Variants in CTNNA2 observed in about 807,000 individuals in gnomAD.
CTNNA2 encodes catenin alpha 2.
A neutral mutation model predicts 101.0 loss-of-function variants in CTNNA2; 42 were observed. The observed-to-expected ratio is 0.42, with a 90% confidence interval of 0.32 to 0.54. The LOEUF is 0.54. CTNNA2 is among the 20% of genes least tolerant of loss of function. The probability of loss-of-function intolerance (pLI) is 0.14; values close to 1 mark genes in which losing one functional copy is unlikely to be tolerated. For synonymous variants in CTNNA2, 450 were observed against 456.4 expected, an observed-to-expected ratio of 0.99 and a Z score of 0.18; for missense variants, 871 against 1,223.1, an observed-to-expected ratio of 0.71 and a Z score of 4.29.
chr2:79,219,785 A>G (rs1674318505), intron 2 of CTNNA2, among the ~76,000 whole-genome samples: 1 of 152,226 alleles, frequency 6.6e-6, no homozygotes, highest in African/African-American at 2.4e-5. Flanking sequence ...AGAAACAGTG[A>G]GTGCCTGGGC....
At chr2:79,703,190 G>A (rs76319197) in intron 2 of CTNNA2, among the ~76,000 whole-genome samples, 2,882 of 152,258 alleles carry the variant, frequency 0.019, 57 homozygotes, top group African/African-American at 0.047. Context: ...TGACAAGTGG[G>A]TGAGTTCTAA....
At chr2:79,409,768 G>T (rs1390591161) in intron 4 of CTNNA2, among the ~76,000 whole-genome samples, 1 of 147,814 alleles carries the variant, frequency 6.8e-6, no homozygotes, top group Non-Finnish European at 1.5e-5. Context: ...GCTTAGGATT[G>T]ACTTGGTGAT....
chr2:79,982,224 A>G (rs373376513), intron 7 of CTNNA2, among the ~76,000 whole-genome samples: 1,574 of 60,852 alleles, frequency 0.026, 148 homozygotes, highest in African/African-American at 0.079. Flanking sequence ...ATATATATAT[A>G]TATATATATA....
At chr2:80,275,590 T>C (rs879315560) in intron 7 of CTNNA2, among the ~76,000 whole-genome samples, 17 of 152,166 alleles carry the variant, frequency 1.1e-4, no homozygotes, top group African/African-American at 3.4e-4. Flanking sequence ...TTGTTGATAT[T>C]GTTAATTAAT....
chr2:79,490,187 C>G (rs1671195093), intron 4 of CTNNA2, among the ~76,000 whole-genome samples: 1 of 152,182 alleles, frequency 6.6e-6, no homozygotes, highest in Non-Finnish European at 1.5e-5. Flanking sequence ...ATACTACCTG[C>G]AATTTCTTGC....
intron 9 of CTNNA2, among the ~76,000 whole-genome samples, chr2:80,437,437 T>G (rs1559109827): frequency 6.6e-6 from 1 of 152,170 alleles, no homozygotes; most frequent in African/African-American, 2.4e-5. Context: ...TGGATCAACT[T>G]TATTATTTTT....
intron 1 of CTNNA2, among the ~76,000 whole-genome samples, chr2:79,533,563 T>C (rs1558705751): frequency 6.6e-6 from 1 of 152,164 alleles, no homozygotes; most frequent in Non-Finnish European, 1.5e-5. Context: ...TTAAATAATA[T>C]ACAATTTTGT....
intron 7 of CTNNA2, among the ~76,000 whole-genome samples, chr2:79,984,891 G>T (rs1466091965): frequency 6.6e-6 from 1 of 152,126 alleles, no homozygotes; most frequent in East Asian, 1.9e-4. Flanking sequence ...CTATAGTAAG[G>T]ATTGGCAAAC....
At chr2:80,108,524 C>T (rs1243032815) in intron 7 of CTNNA2, among the ~76,000 whole-genome samples, 4 of 152,168 alleles carry the variant, frequency 2.6e-5, no homozygotes, top group Non-Finnish European at 5.9e-5. Flanking sequence ...CCTGCTGAGC[C>T]CATGCTCATT....
intron 7 of CTNNA2, among the ~76,000 whole-genome samples, chr2:80,294,831 G>A (rs529052428): frequency 4.2e-4 from 64 of 152,094 alleles, no homozygotes; most frequent in African/African-American, 1.5e-3. Flanking sequence ...GCTAGAGAAC[G>A]AATTCCTTCT....
intron 6 of CTNNA2, among the ~76,000 whole-genome samples, chr2:79,897,394 A>G (rs946520852): frequency 2.6e-5 from 4 of 152,104 alleles, no homozygotes; most frequent in Non-Finnish European, 4.4e-5. Flanking sequence ...CATGACTTGA[A>G]TAAGGGGGGA....
chr2:80,595,005 T>G (rs74655543), intron 15 of CTNNA2, among the ~76,000 whole-genome samples: 9,797 of 152,114 alleles, frequency 0.064, 558 homozygotes, highest in African/African-American at 0.16. Context: ...AGAGTCCATG[T>G]GAATTTTAGG....
At chr2:80,106,026 T>G (rs1323945175) in intron 7 of CTNNA2, among the ~76,000 whole-genome samples, 2 of 152,214 alleles carry the variant, frequency 1.3e-5, no homozygotes, top group African/African-American at 4.8e-5. Flanking sequence ...GGGGGTTTTA[T>G]TACTTGCCAC....
chr2:79,859,760 A>T (rs1681442239), intron 4 of CTNNA2, among the ~76,000 whole-genome samples: 3 of 152,142 alleles, frequency 2.0e-5, no homozygotes, highest in Non-Finnish European at 4.4e-5. Flanking sequence ...GGTGAAGGGC[A>T]GTACAGTACT....
intron 2 of CTNNA2, among the ~76,000 whole-genome samples, chr2:79,199,938 A>T (rs565768486): frequency 2.1e-4 from 32 of 152,290 alleles, no homozygotes; most frequent in African/African-American, 7.2e-4. Context: ...CCTAAATTTC[A>T]TCTACCTTGA....
intron 4 of CTNNA2, among the ~76,000 whole-genome samples, chr2:79,486,321 G>A (rs998826151): frequency 2.2e-4 from 33 of 150,904 alleles, no homozygotes; most frequent in African/African-American, 6.4e-4. Context: ...GAGAACATGC[G>A]GTGTTTGGTT....
In CTNNA2 at chr2:80,616,746, T is replaced by C. The variant is rs116425367; in HGVS notation, c.2431-2339T>C. 5.2e-3 allele frequency among the ~76,000 whole-genome samples: 792 copies of C among 151,830 alleles called. 10 individuals carry two copies. The highest frequency in any genetic ancestry group is 0.017 in the African/African-American group (695 of 41,506). ...TCATGAAAAATGTCAAGAGGCTAGA[T>C]CCTGAGATTTGGAAATTATCTGATC... On this transcript the variant is annotated intron_variant, in intron 17 of 18. Coordinates refer to ENST00000402739, the MANE Select transcript of CTNNA2 (RefSeq NM_001282597.3).
chr2:80,364,941 G>T (rs548831603), intron 7 of CTNNA2, among the ~76,000 whole-genome samples: 1 of 152,086 alleles, frequency 6.6e-6, no homozygotes, highest in East Asian at 1.9e-4. Context: ...TTAGTGATGG[G>T]GTTAAATGCG....
chr2:80,074,972 A>C (rs887974487), intron 7 of CTNNA2, among the ~76,000 whole-genome samples: 2 of 152,186 alleles, frequency 1.3e-5, no homozygotes, highest in Non-Finnish European at 2.9e-5. Context: ...AAGTCCGTTA[A>C]AACTACTGTG....
Sources: allele counts gnomAD v4.1 joint callset (sites outside exome capture counted in the v4.1 genomes callset), GRCh38; gene constraint gnomAD v4.1.1; transcripts MANE v1.5; gene names NCBI Gene and HGNC (gene_info 2026-07-23, HGNC 2026-07-21).